Variants in RIMS2 observed in about 807,000 individuals in gnomAD.
RIMS2 encodes the protein regulating synaptic membrane exocytosis 2.
A neutral mutation model predicts 174.4 loss-of-function variants in RIMS2; 59 were observed. The observed-to-expected ratio is 0.34, with a 90% CI of 0.27 to 0.42. The LOEUF is 0.42. Ranked by LOEUF, RIMS2 falls within the 10% of genes least tolerant of loss-of-function variation. The probability of loss-of-function intolerance (pLI) is 1.00; values close to 1 mark genes in which losing one functional copy is unlikely to be tolerated. For missense variants in RIMS2, 1,620 were observed against 1,666.3 expected (o/e 0.97, Z 0.48); for synonymous variants, 606 against 572.5 (o/e 1.06, Z -0.84).
At chr8:104,065,908 TAC>T (rs915203343) in intron 19 of RIMS2, among the ~76,000 whole-genome samples, 8 of 152,164 alleles carry the variant, frequency 5.3e-5, no homozygotes, top group African/African-American at 1.9e-4. Flanking sequence ...ATCCAGCAAA[TAC>T]AGATTAATAT....
chr8:104,086,168 T>C (rs1424982453), intron 19 of RIMS2, among the ~76,000 whole-genome samples: 1 of 151,310 alleles, frequency 6.6e-6, no homozygotes, highest in Non-Finnish European at 1.5e-5. Context: ...TAAGAAGTCA[T>C]TATGGGAAAT....
chr8:104,092,086 A>G (rs1386742904), intron 19 of RIMS2, among the ~76,000 whole-genome samples: 4 of 151,780 alleles, frequency 2.6e-5, no homozygotes, highest in Admixed American at 6.6e-5. Context: ...AGAAGAGTCA[A>G]TTATTAAAAA....
intron 3 of RIMS2, among the ~76,000 whole-genome samples, chr8:103,785,029 C>T (rs1268981916): frequency 7.1e-6 from 1 of 141,188 alleles, no homozygotes; most frequent in East Asian, 2.0e-4. Flanking sequence ...CTCTTTGAAG[C>T]AATTGTGAAT....
chr8:104,203,494 C>CTTGTT (rs2099064934), intron 19 of RIMS2, among the ~76,000 whole-genome samples: 1 of 72,762 alleles, frequency 1.4e-5, no homozygotes, highest in East Asian at 4.8e-4. Context: ...AGACACTGTA[C>CTTGTT]TTTTTTTTTT....
At chr8:104,251,951 C>T, downstream of RIMS2, 2 of 641,624 alleles carry the variant, frequency 3.1e-6, no homozygotes, top group Non-Finnish European at 5.5e-6. Flanking sequence ...GGATACAAAG[C>T]AATCCTGTGT....
chr8:103,537,610 A>G, intron 1 of RIMS2, among the ~76,000 whole-genome samples: 1 of 152,178 alleles, frequency 6.6e-6, no homozygotes, highest in Middle Eastern at 3.2e-3. Context: ...AAATGAGGAT[A>G]ATAGTACTTC....
At chr8:104,248,905 C>G in intron 21 of RIMS2, 92 bp downstream of exon 27, 1 of 671,524 alleles carries the variant, frequency 1.5e-6, no homozygotes, top group East Asian at 2.7e-5. Flanking sequence ...CTCTCTCTCT[C>G]TCTCTCTTTC....
At chr8:103,972,317 A>T (rs1029110023) in intron 15 of RIMS2, among the ~76,000 whole-genome samples, 1 of 152,024 alleles carries the variant, frequency 6.6e-6, no homozygotes, top group Non-Finnish European at 1.5e-5. Flanking sequence ...TCTTTCTCTC[A>T]TGTCCCTCAA....
At chr8:103,818,924 C>A (rs2098734436) in intron 3 of RIMS2, among the ~76,000 whole-genome samples, 1 of 152,010 alleles carries the variant, frequency 6.6e-6, no homozygotes, top group Non-Finnish European at 1.5e-5. Context: ...GAAGAATATA[C>A]CACTTATTTT....
intron 19 of RIMS2, among the ~76,000 whole-genome samples, chr8:104,075,043 C>A (rs1566199206): frequency 6.6e-6 from 1 of 151,930 alleles, no homozygotes; most frequent in Admixed American, 6.6e-5. Flanking sequence ...GTGATAGAAA[C>A]AAAATACTTG....
At chr8:104,096,899 AAG>A (rs2097772730) in intron 19 of RIMS2, among the ~76,000 whole-genome samples, 1 of 152,006 alleles carries the variant, frequency 6.6e-6, no homozygotes, top group African/African-American at 2.4e-5. Context: ...GAAAAAGAAA[AAG>A]AAAATGTTGG....
chr8:103,669,636 A>G (rs2136310214), intron 1 of RIMS2, among the ~76,000 whole-genome samples: 1 of 152,372 alleles, frequency 6.6e-6, no homozygotes, highest in African/African-American at 2.4e-5. Context: ...AAGGGGCTAC[A>G]GGCCCCATGC....
intron 1 of RIMS2, among the ~76,000 whole-genome samples, chr8:103,555,540 G>A (rs1850026189): frequency 1.3e-5 from 2 of 152,064 alleles, no homozygotes; most frequent in African/African-American, 2.4e-5. Flanking sequence ...TATGATTTCA[G>A]TGTGTCAAAG....
intron 19 of RIMS2, among the ~76,000 whole-genome samples, chr8:104,194,478 C>T (rs577577589): frequency 2.6e-5 from 4 of 152,128 alleles, no homozygotes; most frequent in Admixed American, 6.6e-5. Flanking sequence ...ATATAAAATA[C>T]GCTTTAGATA....
chr8:104,126,081 C>A (rs1359858856), intron 19 of RIMS2, among the ~76,000 whole-genome samples: 1 of 152,102 alleles, frequency 6.6e-6, no homozygotes, highest in Non-Finnish European at 1.5e-5. Flanking sequence ...ATCAGTGATT[C>A]CCCAATCTTT....
intron 1 of RIMS2, among the ~76,000 whole-genome samples, chr8:103,600,383 C>T (rs1354294128): frequency 6.6e-6 from 1 of 152,130 alleles, no homozygotes; most frequent in African/African-American, 2.4e-5. Context: ...AATTATCATG[C>T]CTCAGCATCC....
chr8:103,583,054 G>A (rs1035132811), intron 1 of RIMS2, among the ~76,000 whole-genome samples: 12 of 152,214 alleles, frequency 7.9e-5, no homozygotes, highest in African/African-American at 2.7e-4. Flanking sequence ...GGGTGATTGT[G>A]TCACTCCACC....
intron 3 of RIMS2, among the ~76,000 whole-genome samples, chr8:103,775,073 A>G (rs1033916619): frequency 3.9e-5 from 6 of 152,100 alleles, no homozygotes; most frequent in African/African-American, 1.4e-4. Context: ...GTAAATTCAG[A>G]GATGCTTATA....
At chr8:103,917,629 A>G (rs1190911599) in intron 8 of RIMS2, among the ~76,000 whole-genome samples, 12 of 152,218 alleles carry the variant, frequency 7.9e-5, no homozygotes, top group African/African-American at 2.4e-5. Context: ...TCTCAAATAA[A>G]AAGATACACT....
Sources: gnomAD v4.1 joint callset for allele counts (sites outside exome capture counted in the v4.1 genomes callset) on GRCh38, gnomAD v4.1.1 for gene constraint, MANE v1.5 for transcripts, NCBI Gene and HGNC (gene_info 2026-07-23, HGNC 2026-07-21) for gene names.